Variants in DPYSL3 observed in about 807,000 individuals in gnomAD.
DPYSL3 encodes the protein dihydropyrimidinase like 3.
Under a neutral mutation model 66.1 loss-of-function variants are expected in DPYSL3, and 16 were observed. The ratio of observed to expected loss-of-function variants is 0.24; its 90% confidence interval spans 0.16 to 0.37. DPYSL3 has a LOEUF of 0.37. DPYSL3 is among the 10% of genes least tolerant of loss of function. DPYSL3 has a pLI of 1.00. For synonymous variants in DPYSL3, 338 were observed against 345.1 expected (o/e 0.98, Z 0.23); for missense variants, 738 against 916.2 (o/e 0.81, Z 2.51).
chr5:147,418,762 G>T, intron 2 of DPYSL3, 131 bp from the exon 3 acceptor site: 1 of 766,080 alleles, frequency 1.3e-6, no homozygotes, highest in Non-Finnish European at 2.0e-6. Flanking sequence ...CTTTGCAAGT[G>T]ACTCACAAGC....
At chr5:147,455,717 T>C (rs1236657876) in intron 1 of DPYSL3, among the ~76,000 whole-genome samples, 1 of 152,118 alleles carries the variant, frequency 6.6e-6, no homozygotes, top group Non-Finnish European at 1.5e-5. Flanking sequence ...CTTGCACATT[T>C]TTCTCAAGAA....
At chr5:147,404,649 A>G (rs761001947) in intron 8 of DPYSL3, among the ~76,000 whole-genome samples, 1 of 152,220 alleles carries the variant, frequency 6.6e-6, no homozygotes, top group Admixed American at 6.5e-5. Flanking sequence ...CGAGTCTGAC[A>G]CTGAGGATGA....
At chr5:147,430,403 G>C (rs1317777039) in intron 1 of DPYSL3, among the ~76,000 whole-genome samples, 6 of 151,812 alleles carry the variant, frequency 4.0e-5, no homozygotes, top group Non-Finnish European at 8.8e-5. Flanking sequence ...CCAGCTACTT[G>C]GGAGGTTGAG....
At chr5:147,420,011 A>G (rs1402299634) in intron 2 of DPYSL3, among the ~76,000 whole-genome samples, 1 of 152,160 alleles carries the variant, frequency 6.6e-6, no homozygotes, top group Non-Finnish European at 1.5e-5. Context: ...CCAAGCCTGA[A>G]ATAGAAATGG....
chr5:147,460,078 T>TCCA (rs1178237135), intron 1 of DPYSL3, among the ~76,000 whole-genome samples: 1 of 151,310 alleles, frequency 6.6e-6, no homozygotes, highest in East Asian at 1.9e-4. Flanking sequence ...GCCACTGCAC[T>TCCA]CCAGCCTGGG....
At chr5:147,400,973 A>C in intron 9 of DPYSL3, 140 bp from the exon 10 acceptor site, 1 of 1,110,608 alleles carries the variant, frequency 9.0e-7, no homozygotes. Context: ...TACTAGATAT[A>C]TGAGCTTGGA....
chr5:147,412,603 G>C lies in DPYSL3; in HGVS notation c.963+5C>G. On this transcript the variant is annotated splice_donor_5th_base_variant and intron_variant, in intron 6 of 13. Transcript: ENST00000343218. ...AGCACGCTCCAGGGAGCTGCACGGT[G>C]TTACCTGGGCAATGATATCCCCATT... is the stretch of plus-strand genomic sequence containing the variant. The C allele has an allele frequency of 6.2e-7, 1 of 1,611,018 alleles. No homozygotes were observed. Among genetic ancestry groups the C allele is most frequent in the South Asian group, 1.1e-5 (1 of 90,302 alleles).
At chr5:147,486,505 C>T (rs569408927) in intron 1 of DPYSL3, among the ~76,000 whole-genome samples, 3 of 152,228 alleles carry the variant, frequency 2.0e-5, no homozygotes, top group African/African-American at 4.8e-5. Context: ...GGATGAATGC[C>T]TTATGATGGA....
intron 6 of DPYSL3, 58 bp downstream of exon 6, chr5:147,412,550 T>C: frequency 6.6e-7 from 1 of 1,525,748 alleles, no homozygotes; most frequent in Non-Finnish European, 9.0e-7. Flanking sequence ...ACTGAAGAAA[T>C]GAAGAAGAAA....
chr5:147,439,634 G>A (rs1372796432), intron 1 of DPYSL3, among the ~76,000 whole-genome samples: 1 of 152,130 alleles, frequency 6.6e-6, no homozygotes, highest in African/African-American at 2.4e-5. Context: ...AATAGAGAAC[G>A]AATTTAGGGG....
intron 1 of DPYSL3, among the ~76,000 whole-genome samples, chr5:147,471,648 A>T (rs1442301384): frequency 6.6e-6 from 1 of 152,176 alleles, no homozygotes; most frequent in Non-Finnish European, 1.5e-5. Context: ...GGCACTTCTC[A>T]GAGAAAAAGG....
At chr5:147,452,553 G>A (rs535606139) in intron 1 of DPYSL3, among the ~76,000 whole-genome samples, 1 of 151,906 alleles carries the variant, frequency 6.6e-6, no homozygotes, top group Non-Finnish European at 1.5e-5. Flanking sequence ...TTCTATTTTT[G>A]TAAATGACCA....
At chr5:147,405,988 C>T (rs1758317042) in intron 7 of DPYSL3, 1 of 314,268 alleles carries the variant, frequency 3.2e-6, no homozygotes. Flanking sequence ...CAATGTCTGG[C>T]AGAGGGTAAG....
intron 1 of DPYSL3, among the ~76,000 whole-genome samples, chr5:147,426,470 A>AG (rs1345333349): frequency 6.6e-6 from 1 of 152,092 alleles, no homozygotes; most frequent in Non-Finnish European, 1.5e-5. Context: ...TTGCAAGCAG[A>AG]GGGGTGAAGA....
intron 7 of DPYSL3, among the ~76,000 whole-genome samples, chr5:147,408,038 T>C (rs1043099254): frequency 5.9e-5 from 9 of 152,158 alleles, no homozygotes; most frequent in African/African-American, 1.7e-4. Flanking sequence ...TTCTCCCTGT[T>C]GTAGGGTTTG....
intron 1 of DPYSL3, among the ~76,000 whole-genome samples, chr5:147,438,588 C>T (rs75654843): frequency 1.4e-4 from 22 of 152,294 alleles, no homozygotes; most frequent in African/African-American, 5.1e-4. Context: ...AGACTTCATC[C>T]CTTACCTGCA....
At chr5:147,408,440 T>C (rs1751767290) in intron 7 of DPYSL3, among the ~76,000 whole-genome samples, 1 of 152,204 alleles carries the variant, frequency 6.6e-6, no homozygotes, top group Non-Finnish European at 1.5e-5. Flanking sequence ...GAAATGTCTA[T>C]GAGATTCACA....
At chr5:147,495,754 C>A (rs1753493433) in intron 1 of DPYSL3, among the ~76,000 whole-genome samples, 1 of 152,126 alleles carries the variant, frequency 6.6e-6, no homozygotes, top group South Asian at 2.1e-4. Context: ...AAAGAGAATA[C>A]AAACAAATAG....
Position 147,405,744 on chromosome 5 carries a change from T to C in DPYSL3, c.1033-14A>G, listed in dbSNP as rs374311000. The stretch of plus-strand genomic sequence containing the variant: ...CTCAGCTTCCAGCTGCAAGAAAAAG[T>C]CTCCAGGAGTCAATAGAAACATGAA... On this transcript the variant is annotated splice_polypyrimidine_tract_variant and intron_variant, in intron 7 of 13. Coordinates refer to ENST00000343218, the MANE Select transcript of DPYSL3 (RefSeq NM_001197294.2). The C allele has an allele frequency of 2.4e-4, 388 of 1,602,398 alleles. 2 individuals are homozygous for C. The highest frequency in any genetic ancestry group is 3.1e-4 in the Non-Finnish European group (364 of 1,175,856).
Sources: allele counts gnomAD v4.1 joint callset (sites outside exome capture counted in the v4.1 genomes callset), GRCh38; gene constraint gnomAD v4.1.1; transcripts MANE v1.5; gene names NCBI Gene and HGNC (gene_info 2026-07-23, HGNC 2026-07-21).